COQ8A: variants seen among roughly 807,000 people sequenced by gnomAD.
COQ8A encodes the protein coenzyme Q8A, also known as atypical kinase COQ8A, mitochondrial.
Under a neutral mutation model 65.0 loss-of-function variants are expected in COQ8A, and 51 were observed. The ratio of observed to expected loss-of-function variants is 0.78; its 90% CI spans 0.63 to 0.99. The LOEUF (loss-of-function observed/expected upper bound fraction) is 0.99. COQ8A is among the 50% of genes least tolerant of loss of function. COQ8A has a pLI of 0.00. For missense variants in COQ8A, 940 were observed against 875.0 expected (o/e 1.07, Z -0.94); for synonymous variants, 371 against 353.2 (o/e 1.05, Z -0.57).
At position 226,949,432 on chromosome 1, in the gene COQ8A, C is replaced by G. The variant is rs922186189; in HGVS notation, c.-10+9033C>G. Among the ~76,000 whole-genome samples the G allele has an allele frequency of 1.6e-4, 24 of 152,046 alleles. No individual in the cohort carries two copies. The highest frequency in any genetic ancestry group is 5.8e-4 in the African/African-American group (24 of 41,382). ...AGAGGGGTTTTCTTCCCAACTGCCT[C>G]TCCCTGAATGTACCTGGACAAAAGC... On this transcript the variant is annotated intron_variant, in intron 1 of 14. Transcript: ENST00000366777. The surrounding 1 kb of genome is among the most constrained non-coding windows in gnomAD (Gnocchi z 4.0).
chr1:226,959,137 C>T (rs1657994417), intron 1 of COQ8A, among the ~76,000 whole-genome samples: 1 of 152,114 alleles, frequency 6.6e-6, no homozygotes, highest in South Asian at 2.1e-4. Flanking sequence ...ATTTTAAGAC[C>T]TAAGTTTTGA....
At chr1:226,955,530 CCCACTCTCCCTGGT>C (rs1657654939) in intron 1 of COQ8A, among the ~76,000 whole-genome samples, 1 of 114,928 alleles carries the variant, frequency 8.7e-6, no homozygotes, top group Non-Finnish European at 1.8e-5. Context: ...CTCCCTGGCT[CCCACTCTCCCTGGT>C]TCACACTCTC....
intron 1 of COQ8A, among the ~76,000 whole-genome samples, chr1:226,947,337 CTTT>C (rs1657101350): frequency 6.6e-6 from 1 of 152,142 alleles, no homozygotes; most frequent in Non-Finnish European, 1.5e-5. Context: ...CCTTGATGAG[CTTT>C]AATTATCCTA....
intron 1 of COQ8A, among the ~76,000 whole-genome samples, chr1:226,960,150 GTAGTGGTGGTACT>G (rs1487952596): frequency 2.1e-5 from 3 of 144,496 alleles, no homozygotes; most frequent in Non-Finnish European, 3.1e-5. Flanking sequence ...GTACTTGGTG[GTAGTGGTGGTACT>G]TGGTGGTGGT....
rs1361757429 is a variant in COQ8A at position 226,946,986 on chromosome 1, T to A, written c.-10+6587T>A. 6.6e-6 allele frequency among the ~76,000 whole-genome samples: 1 copy of A among 152,212 alleles called. No individual in the cohort carries two copies. The highest frequency in any genetic ancestry group is 1.5e-5 in the Non-Finnish European group (1 of 68,028). ...CAAGCTTTGCCTCTAGTGGGTAGGA[T>A]CACTGGTGCTGAGAATTGTGATACC... On this transcript the variant is annotated intron_variant, in intron 1 of 14. Transcript: ENST00000366777. This position sits in a 1 kb window ranked among gnomAD's most constrained non-coding sequence, Gnocchi z 5.3.
chr1:226,965,820 G>A (rs1463297428), intron 4 of COQ8A, 83 bp downstream of exon 4: 1 of 1,475,678 alleles, frequency 6.8e-7, no homozygotes, highest in Admixed American at 1.7e-5. Flanking sequence ...TGGGGACCCA[G>A]CAATATCCCG....
At chr1:226,984,758 A>C (rs1659973707) in intron 12 of COQ8A, 103 bp downstream of exon 12, 2 of 1,488,678 alleles carry the variant, frequency 1.3e-6, no homozygotes, top group African/African-American at 1.4e-5. Flanking sequence ...GTCAGCAGAG[A>C]GCTCAGGGCT....
In COQ8A at chr1:226,978,724, A is replaced by T. The variant is rs557924195; in HGVS notation, c.730+1201A>T. ...ACCTCCTTACATCTTCCACACACCC[A>T]CCTCATACCTGCACACCTCCTTACA... On this transcript the variant is annotated intron_variant, in intron 5 of 14. Transcript: ENST00000366777. Among the ~76,000 whole-genome samples the T allele has an allele frequency of 9.5e-4, 64 of 67,554 alleles. 1 individual carries two copies. The highest frequency in any genetic ancestry group is 2.7e-3 in the African/African-American group (58 of 21,096). 44.3% of individuals were successfully genotyped at this position (67,554 alleles called of 152,430 possible). A position where few individuals can be genotyped will look rare whatever the true frequency, so the allele number is the denominator to read the frequency against.
At chr1:226,960,329 T>TTGGTGGTGG (rs1658110388) in intron 1 of COQ8A, among the ~76,000 whole-genome samples, 1 of 1,060 alleles carries the variant, frequency 9.4e-4, no homozygotes, top group Admixed American at 9.6e-3. Flanking sequence ...GGTGGTGGTA[T>TTGGTGGTGG]CAGTGGTACT....
At chr1:226,984,033 GT>G (rs1659898347) in intron 10 of COQ8A, 60 bp from the exon 11 acceptor site, 31 of 1,473,628 alleles carry the variant, frequency 2.1e-5, no homozygotes, top group Middle Eastern at 1.9e-4. Flanking sequence ...GGGGGTGTGT[GT>G]GGGGGGGGGG....
At chr1:226,983,939 G>C in intron 10 of COQ8A, 85 bp downstream of exon 10, 1 of 1,548,296 alleles carries the variant, frequency 6.5e-7, no homozygotes, top group Non-Finnish European at 8.8e-7. Flanking sequence ...GGCCCCTCCA[G>C]CTCTGAGGGG....
At chr1:226,971,368 C>T (rs1404148871) in intron 4 of COQ8A, among the ~76,000 whole-genome samples, 5 of 151,988 alleles carry the variant, frequency 3.3e-5, no homozygotes, top group South Asian at 2.1e-4. Context: ...CTGGCTAACA[C>T]GGTGAAACCC....
intron 1 of COQ8A, among the ~76,000 whole-genome samples, chr1:226,940,767 C>T (rs887457986): frequency 1.3e-5 from 2 of 152,194 alleles, no homozygotes; most frequent in African/African-American, 4.8e-5. Flanking sequence ...AGCTTTGATG[C>T]TTCGCTTTCT....
intron 1 of COQ8A, among the ~76,000 whole-genome samples, chr1:226,951,714 T>C (rs762279357): frequency 3.3e-5 from 5 of 152,162 alleles, no homozygotes; most frequent in Non-Finnish European, 7.3e-5. Context: ...ATAGTAAATA[T>C]TTTGGGCTTT....
intron 4 of COQ8A, 61 bp from the exon 5 acceptor site, chr1:226,977,388 G>A: frequency 6.7e-7 from 1 of 1,503,606 alleles, no homozygotes; most frequent in Non-Finnish European, 9.0e-7. Flanking sequence ...CCTTGTGGGT[G>A]GGCGAGCGGG....
chr1:226,960,412 C>CAGTGGTACTTGGTGGTGGTACTT, intron 1 of COQ8A, among the ~76,000 whole-genome samples: 1 of 6,318 alleles, frequency 1.6e-4, no homozygotes, highest in East Asian at 5.4e-3. Flanking sequence ...TTGGTGGTGG[C>CAGTGGTACTTGGTGGTGGTACTT]GGTGGTACTT....
intron 4 of COQ8A, among the ~76,000 whole-genome samples, chr1:226,966,519 G>A (rs1016649047): frequency 6.6e-6 from 1 of 152,182 alleles, no homozygotes; most frequent in Admixed American, 6.5e-5. Context: ...GCTGTCCTCA[G>A]TAGGTTCTCC....
intron 4 of COQ8A, among the ~76,000 whole-genome samples, chr1:226,976,928 A>G (rs902165229): frequency 6.6e-6 from 1 of 152,166 alleles, no homozygotes; most frequent in African/African-American, 2.4e-5. Context: ...GGGGGAGCCA[A>G]AAGTGTTCTC....
rs1026198961 is a variant in COQ8A, at chr1:226,986,510, G to A, written c.1717G>A (p.Asp573Asn). ...CATCCTGGGGGAGGCCTTCGCCTCT[G>A]ATGAGCCTTTTGATTTTGGCACTCA... ...ILILGEAFAS[D>N]EPFDFGTQST... Residue 573 changes from aspartate to asparagine, a missense_variant, in exon 15 of 15, where the codon GAT becomes AAT. By Grantham distance (23) the Asp-to-Asn change is conservative. Coordinates refer to ENST00000366777, the MANE Select transcript of COQ8A (RefSeq NM_020247.5). The A allele has an allele frequency of 4.3e-5, 70 of 1,613,570 alleles. No homozygotes were observed. The highest frequency in any genetic ancestry group is 9.4e-5 in the African/African-American group (7 of 74,832).
Sources: allele counts gnomAD v4.1 joint callset (sites outside exome capture counted in the v4.1 genomes callset), GRCh38; gene constraint gnomAD v4.1.1; non-coding constraint Gnocchi (gnomAD v3.1); transcripts MANE v1.5; gene names NCBI Gene and HGNC (gene_info 2026-07-23, HGNC 2026-07-21).